The following DLG3 variants were observed in gnomAD, a reference collection of about 807,000 sequenced individuals.
The protein encoded by DLG3 is discs large MAGUK scaffold protein 3.
A neutral mutation model predicts 64.1 loss-of-function variants in DLG3; 1 was observed. The observed-to-expected ratio is 0.02, with a 90% CI of 0.01 to 0.07. The LOEUF (loss-of-function observed/expected upper bound fraction) is 0.07. Among genes scored for constraint, DLG3 ranks in the 10% least tolerant of loss-of-function variants. DLG3 has a pLI of 1.00. For missense variants in DLG3, 429 were observed against 669.5 expected (o/e 0.64, Z 3.96); for synonymous variants, 245 against 259.8 (o/e 0.94, Z 0.55).
intron 12 of DLG3, among the ~76,000 whole-genome samples, chrX:70,493,723 G>A (rs2087402532): frequency 8.8e-6 from 1 of 113,123 alleles, no homozygotes; most frequent in Non-Finnish European, 1.9e-5. Flanking sequence ...TGGTCCCAGG[G>A]TCAGCCTCCA....
chrX:70,475,783 A>T, intron 9 of DLG3, among the ~76,000 whole-genome samples: 1 of 112,457 alleles, frequency 8.9e-6, no homozygotes, highest in Non-Finnish European at 1.9e-5. Flanking sequence ...ATTTTTAAAA[A>T]GTGTAAACTC....
Position 70,479,192 on chromosome X carries a change from A to T in DLG3, c.1448A>T (p.Gln483Leu), listed in dbSNP as rs2087110315. 4.1e-6 allele frequency: 5 copies of T among 1,211,751 alleles called. No individual in the cohort carries two copies. The East Asian group carries it at 1.5e-4, about 36-fold the overall frequency. ...TCGAAGATACATGACTTACGAGAAC[A>T]AATGATGAACAGCAGCATGAGCTCT... ...FESKIHDLRE[Q>L]MMNSSMSSGS... Residue 483 changes from glutamine to leucine, a missense_variant, in exon 10 of 19, where the codon CAA (glutamine) becomes CTA (leucine). Transcript: ENST00000374360.
At chrX:70,490,508 G>GA (rs1278216798) in intron 10 of DLG3, among the ~76,000 whole-genome samples, 2 of 111,881 alleles carry the variant, frequency 1.8e-5, no homozygotes, top group African/African-American at 6.5e-5. Context: ...AAATTGAGGG[G>GA]AAAAAAGGGC....
chrX:70,458,376 A>G (rs755328022), intron 9 of DLG3, among the ~76,000 whole-genome samples: 2 of 112,374 alleles, frequency 1.8e-5, no homozygotes, highest in East Asian at 2.8e-4. Flanking sequence ...GTTTAGGACA[A>G]TTGCTTCCTA....
At chrX:70,449,631 C>T in intron 3 of DLG3, 59 bp from the exon 4 acceptor site, 1 of 1,154,486 alleles carries the variant, frequency 8.7e-7, no homozygotes, top group Non-Finnish European at 1.2e-6. Flanking sequence ...TGGGAGGAAG[C>T]AGGAGAGGGG....
intron 6 of DLG3, among the ~76,000 whole-genome samples, chrX:70,451,494 G>A (rs2147772826): frequency 8.9e-6 from 1 of 111,772 alleles, no homozygotes; most frequent in Admixed American, 9.5e-5. Context: ...AATGATGTAT[G>A]TGCTGCCTTC....
intron 1 of DLG3, chrX:70,448,436 C>G (rs2086587794): frequency 2.1e-6 from 1 of 484,642 alleles, no homozygotes; most frequent in South Asian, 3.4e-5. Flanking sequence ...AGTTCGGACA[C>G]AGTGGGAGTC....
chrX:70,448,695 G>C (rs1217549373), intron 1 of DLG3: 2 of 1,083,951 alleles, frequency 1.8e-6, no homozygotes, highest in Non-Finnish European at 2.5e-6. Context: ...GAGCAGCTTG[G>C]TTTGGGCTGA....
intron 9 of DLG3, among the ~76,000 whole-genome samples, chrX:70,477,262 T>C (rs1194217624): frequency 8.9e-6 from 1 of 112,777 alleles, no homozygotes; most frequent in Admixed American, 9.3e-5. Context: ...TTGGGTGTAC[T>C]TTTTTGTTCA....
At chrX:70,450,026 A>T (rs1164906225) in intron 4 of DLG3, 143 bp from the exon 5 acceptor site, 7 of 982,036 alleles carry the variant, frequency 7.1e-6, no homozygotes, top group Non-Finnish European at 9.7e-6. Flanking sequence ...TCATCTCAGG[A>T]TGGCAGCTTA....
chrX:70,491,552 G>GT (rs1412417394), intron 10 of DLG3, among the ~76,000 whole-genome samples: 1 of 112,565 alleles, frequency 8.9e-6, no homozygotes, highest in Admixed American at 9.3e-5. Flanking sequence ...TTCCCCATAT[G>GT]TAAGAGAAAG....
intron 4 of DLG3, 35 bp from the exon 5 acceptor site, chrX:70,450,134 T>A (rs1374884995): frequency 8.3e-7 from 1 of 1,207,889 alleles, no homozygotes; most frequent in African/African-American, 1.7e-5. Context: ...CCTCTCCTTG[T>A]GGCCCTCTCC....
rs763609801 is a variant in DLG3 at position 70,445,353 on chromosome X, A to G, written c.152A>G (p.Tyr51Cys). ...GGGGGCAACGGCGCCAGCGCGGGTT[A>G]TGGGGGCTACAGCTCGCAGACCTTG... Reference protein sequence around the residue: ...PGGGNGASAGYGGYSSQTLPS... With the variant: ...PGGGNGASAGCGGYSSQTLPS... The change falls in exon 1 of 19, where the codon TAT (tyrosine) becomes TGT (cysteine). Residue 51 changes from tyrosine (Y) to cysteine (C), a missense_variant. Tyr to Cys is a radical substitution (Grantham distance 194, BLOSUM62 -2). This residue lies in a region of DLG3 where 123 missense variants were observed against 113.3 expected (regional missense o/e 1.09). Transcript: ENST00000374360. 8.5e-7 allele frequency: 1 copy of G among 1,172,356 alleles called. No individual in the cohort carries two copies. The highest frequency in any genetic ancestry group is 1.8e-5 in the African/African-American group (1 of 56,549).
intron 9 of DLG3, among the ~76,000 whole-genome samples, chrX:70,461,222 A>C (rs1228601671): frequency 8.9e-6 from 1 of 111,819 alleles, no homozygotes; most frequent in Non-Finnish European, 1.9e-5. Context: ...CATCCCCAAC[A>C]CTTGTTATTG....
intron 9 of DLG3, among the ~76,000 whole-genome samples, chrX:70,470,234 AT>A (rs1171644125): frequency 1.9e-4 from 20 of 104,575 alleles, no homozygotes; most frequent in East Asian, 5.9e-4. Context: ...GTCATTTCTA[AT>A]TTTTTTTTTT....
rs767373575 is a variant in DLG3, at chrX:70,449,409, T to C, written c.459T>C (p.His153=). ...FSIAGGIDNP[H]VPDDPGIFIT... Reference sequence around the variant, plus strand: ...TCGCAGGTGGCATCGACAATCCCCATGTCCCTGATGACCCTGGCATCTTTA... The same window carrying C: ...TCGCAGGTGGCATCGACAATCCCCACGTCCCTGATGACCCTGGCATCTTTA... The change falls in exon 3 of 19, where the codon CAT becomes CAC. Residue 153 remains histidine, a synonymous_variant. Coordinates refer to ENST00000374360, the MANE Select transcript of DLG3 (RefSeq NM_021120.4). The C allele has an allele frequency of 1.7e-6, 2 of 1,209,666 alleles. No homozygotes were observed. The highest frequency in any genetic ancestry group is 3.0e-5 in the East Asian group (1 of 33,760).
chrX:70,489,583 G>A (rs527997353), intron 10 of DLG3, among the ~76,000 whole-genome samples: 5 of 112,124 alleles, frequency 4.5e-5, no homozygotes, highest in South Asian at 3.7e-4. Context: ...GATTACAGGC[G>A]TGAGCCACCC....
chrX:70,463,276 T>A (rs528599890), intron 9 of DLG3, among the ~76,000 whole-genome samples: 3 of 111,109 alleles, frequency 2.7e-5, no homozygotes, highest in African/African-American at 9.8e-5. Context: ...GCCTTCCAAG[T>A]AGTTGGGATT....
rs767456433 is a variant in DLG3 at position 70,448,951 on chromosome X, C to T, written c.396C>T (p.Ile132=). The T allele has an allele frequency of 7.4e-6, 9 of 1,208,730 alleles. No individual in the cohort carries two copies. The highest frequency in any genetic ancestry group is 8.9e-6 in the Non-Finnish European group (8 of 894,527). Residue 132 remains isoleucine, a synonymous_variant, in exon 2 of 19, where the codon ATC becomes ATT. Coordinates refer to ENST00000374360, the MANE Select transcript of DLG3 (RefSeq NM_021120.4). ...GSDGMFKYEE[I]VLERGNSGLG... is the part of the protein sequence containing the mutation. ...ATGGCATGTTCAAATATGAGGAAAT[C>T]GTACTTGAGAGGGTGAGTCTGCCAG...
Sources: gnomAD v4.1 joint callset for allele counts (sites outside exome capture counted in the v4.1 genomes callset) on GRCh38, gnomAD v4.1.1 for gene constraint, gnomAD v4.1.1 regional missense constraint, MANE v1.5 for transcripts, NCBI Gene and HGNC (gene_info 2026-07-23, HGNC 2026-07-21) for gene names.